The following PIGL variants were observed in gnomAD, a reference collection of about 807,000 sequenced individuals.
PIGL encodes the protein N-acetylglucosaminyl-phosphatidylinositol de-N-acetylase.
Under a neutral mutation model 31.1 loss-of-function variants are expected in PIGL, and 22 were observed. The observed-to-expected ratio is 0.71, with a 90% CI of 0.51 to 1.01. PIGL has a LOEUF of 1.01. PIGL is among the 50% of genes least tolerant of loss of function. The probability of loss-of-function intolerance (pLI) is 0.00; values close to 1 mark genes in which losing one functional copy is unlikely to be tolerated. For synonymous variants in PIGL, 131 were observed against 117.4 expected (o/e 1.12, Z -0.75); for missense variants, 302 against 315.9 (o/e 0.96, Z 0.33).
chr17:16,241,945 T>C (rs2092724911), intron 2 of PIGL, among the ~76,000 whole-genome samples: 1 of 152,180 alleles, frequency 6.6e-6, no homozygotes, highest in Non-Finnish European at 1.5e-5. Flanking sequence ...CTTTCTAATA[T>C]TTAAGCACTT....
At chr17:16,258,162 C>T (rs2142743375) in intron 2 of PIGL, among the ~76,000 whole-genome samples, 1 of 140,686 alleles carries the variant, frequency 7.1e-6, no homozygotes, top group South Asian at 2.2e-4. Flanking sequence ...AGAGAGAAAA[C>T]TCGGAAGTAG....
intron 2 of PIGL, among the ~76,000 whole-genome samples, chr17:16,247,172 C>T (rs2092752253): frequency 6.6e-6 from 1 of 152,154 alleles, no homozygotes. Flanking sequence ...CTCATGTGAT[C>T]TTAGTTACCT....
intron 1 of PIGL, among the ~76,000 whole-genome samples, chr17:16,230,495 A>G (rs1186732975): frequency 6.6e-6 from 1 of 152,200 alleles, no homozygotes; most frequent in African/African-American, 2.4e-5. Context: ...AGGGGAAGAA[A>G]CTTGTACCAT....
chr17:16,231,249 T>A (rs77971668), intron 1 of PIGL, among the ~76,000 whole-genome samples: 1 of 149,576 alleles, frequency 6.7e-6, no homozygotes, highest in East Asian at 1.9e-4. Flanking sequence ...TTTTTTTTTT[T>A]TGAGACACAG....
chr17:16,305,611 T>G (rs1345537685), intron 3 of PIGL, among the ~76,000 whole-genome samples: 1 of 152,066 alleles, frequency 6.6e-6, no homozygotes, highest in East Asian at 1.9e-4. Flanking sequence ...AAACAAAGAC[T>G]GGAGAATTTC....
At chr17:16,263,109 A>C (rs2092826047) in intron 2 of PIGL, among the ~76,000 whole-genome samples, 1 of 151,080 alleles carries the variant, frequency 6.6e-6, no homozygotes, top group South Asian at 2.1e-4. Context: ...GGGGGGATGA[A>C]AATGTTCTAG....
chr17:16,247,585 A>T (rs2092753985), intron 2 of PIGL, among the ~76,000 whole-genome samples: 1 of 152,220 alleles, frequency 6.6e-6, no homozygotes, highest in South Asian at 2.1e-4. Flanking sequence ...TTGGGCGGAT[A>T]TTCGGCCCTC....
intron 2 of PIGL, among the ~76,000 whole-genome samples, chr17:16,238,150 C>T (rs1176421209): frequency 2.0e-5 from 3 of 146,760 alleles, no homozygotes; most frequent in East Asian, 4.2e-4. Context: ...GAGCCGAGAT[C>T]GCGCCATTGC....
chr17:16,295,090 G>A (rs1053741085), intron 2 of PIGL, among the ~76,000 whole-genome samples: 5 of 152,224 alleles, frequency 3.3e-5, no homozygotes, highest in South Asian at 2.1e-4. Context: ...TGTAACATCC[G>A]TCCATCGGGG....
chr17:16,271,142 A>G (rs2092870327), intron 2 of PIGL, among the ~76,000 whole-genome samples: 1 of 152,132 alleles, frequency 6.6e-6, no homozygotes, highest in Admixed American at 6.6e-5. Flanking sequence ...CTAAAGCTAG[A>G]CTCAAAAATA....
intron 3 of PIGL, chr17:16,300,208 T>C: frequency 4.1e-6 from 2 of 493,030 alleles, no homozygotes; most frequent in Non-Finnish European, 7.3e-6. Flanking sequence ...TTATCAGTGC[T>C]CAGATAGAGG....
intron 2 of PIGL, among the ~76,000 whole-genome samples, chr17:16,253,248 C>T (rs1198058938): frequency 6.6e-6 from 1 of 152,002 alleles, no homozygotes; most frequent in Non-Finnish European, 1.5e-5. Flanking sequence ...GAGGGAAACT[C>T]CGTCTCAAAA....
At chr17:16,304,594 T>A (rs2093019043) in intron 3 of PIGL, among the ~76,000 whole-genome samples, 1 of 151,990 alleles carries the variant, frequency 6.6e-6, no homozygotes, top group South Asian at 2.1e-4. Context: ...TCCATCTCTA[T>A]TTTTTAAAAA....
chr17:16,260,840 C>A, intron 2 of PIGL, among the ~76,000 whole-genome samples: 1 of 152,148 alleles, frequency 6.6e-6, no homozygotes, highest in Non-Finnish European at 1.5e-5. Context: ...TGTAATACAG[C>A]CGGTCACAGT....
chr17:16,280,263 A>G (rs2092911123), intron 2 of PIGL, among the ~76,000 whole-genome samples: 2 of 152,174 alleles, frequency 1.3e-5, no homozygotes, highest in African/African-American at 4.8e-5. Flanking sequence ...TGTACTTGAG[A>G]GAGGCTAAGG....
chr17:16,301,494 A>G (rs1036705858), intron 3 of PIGL, among the ~76,000 whole-genome samples: 1 of 150,368 alleles, frequency 6.7e-6, no homozygotes, highest in African/African-American at 2.5e-5. Context: ...CAAACTCCTG[A>G]CCTCGTGATC....
chr17:16,258,117 G>GAA (rs1568802912), intron 2 of PIGL, among the ~76,000 whole-genome samples: 12 of 125,302 alleles, frequency 9.6e-5, no homozygotes, highest in African/African-American at 3.4e-4. Context: ...GAGAGAGAGA[G>GAA]AGAGAGAAAG....
In PIGL at chr17:16,266,427, A is replaced by G. The variant is rs981238501; in HGVS notation, c.335+32357A>G. 2.7e-5 allele frequency among the ~76,000 whole-genome samples: 4 copies of G among 148,818 alleles called. No individual in the cohort carries two copies. In the East Asian group the frequency reaches 5.9e-4, roughly 22 times the overall value. ...AAAAAAAGAATGAATATCTTCTATT[A>G]CTTCATTTATTGTGCCAGGTACTCT... On this transcript the variant is annotated intron_variant, in intron 2 of 6. Transcript: ENST00000225609.
At chr17:16,301,243 C>T (rs556998517) in intron 3 of PIGL, among the ~76,000 whole-genome samples, 55 of 151,498 alleles carry the variant, frequency 3.6e-4, no homozygotes, top group South Asian at 8.3e-4. Context: ...TAGGCACATG[C>T]CATCATGTCT....
Sources: allele counts gnomAD v4.1 joint callset (sites outside exome capture counted in the v4.1 genomes callset), GRCh38; gene constraint gnomAD v4.1.1; transcripts MANE v1.5; gene names NCBI Gene and HGNC (gene_info 2026-07-23, HGNC 2026-07-21).